Variants in LRP1 observed in about 807,000 individuals in gnomAD.
The protein encoded by LRP1 is LDL receptor related protein 1.
A neutral mutation model predicts 541.5 loss-of-function variants in LRP1; 51 were observed. The ratio of observed to expected loss-of-function variants is 0.09; its 90% CI spans 0.08 to 0.12. The LOEUF is 0.12. LRP1 is among the 10% of genes least tolerant of loss of function. LRP1 has a pLI of 1.00. For missense variants in LRP1, 3,878 were observed against 6,376.2 expected (o/e 0.61, Z 13.34); for synonymous variants, 2,219 against 2,470.8 (o/e 0.90, Z 3.02).
chr12:57,191,598 T>C, intron 44 of LRP1, 86 bp downstream of exon 44: 2 of 1,211,522 alleles, frequency 1.7e-6, no homozygotes, highest in East Asian at 5.0e-5. Context: ...ACATCGCACA[T>C]ACCACACGCA....
intron 2 of LRP1, among the ~76,000 whole-genome samples, chr12:57,141,160 T>C (rs545002901): frequency 1.6e-4 from 25 of 152,338 alleles, no homozygotes; most frequent in African/African-American, 6.0e-4. Flanking sequence ...TGGACTCTAC[T>C]GAAGGCCTAG....
intron 15 of LRP1, among the ~76,000 whole-genome samples, chr12:57,163,231 G>C (rs1035763796): frequency 3.9e-5 from 6 of 152,158 alleles, no homozygotes; most frequent in African/African-American, 1.4e-4. Context: ...AGTGAAGAAT[G>C]GACAGCTATG....
rs901756800 is a variant in LRP1, at chr12:57,154,702, G to A, written c.1227+1G>A. 1.3e-6 allele frequency: 2 copies of A among 1,555,596 alleles called. No homozygotes were observed. Among genetic ancestry groups the A allele is most frequent in the African/African-American group, 1.4e-5 (1 of 73,228 alleles). The stretch of plus-strand genomic sequence containing the variant: ...CCAGACCATCATCCAGGGCATCCTG[G>A]TGAGGGAGCTACTGTCTGAGGTTTT... On this transcript the variant is annotated splice_donor_variant, in intron 8 of 88. Coordinates refer to ENST00000243077, the MANE Select transcript of LRP1 (RefSeq NM_002332.3). LOFTEE classifies it high-confidence loss of function. The surrounding 1 kb of genome is among the most constrained non-coding windows in gnomAD (Gnocchi z 4.6).
Position 57,184,746 on chromosome 12 carries a change from C to A in LRP1, c.6187-93C>A, listed in dbSNP as rs1173438464. The A allele has an allele frequency of 5.1e-6, 7 of 1,376,988 alleles. No individual in the cohort carries two copies. The highest frequency in any genetic ancestry group is 7.0e-6 in the Non-Finnish European group (7 of 1,004,154). 85.3% of individuals were successfully genotyped at this position (1,376,988 alleles called of 1,614,324 possible). A position where few individuals can be genotyped will look rare whatever the true frequency, so the allele number is the denominator to read the frequency against. On this transcript the variant is annotated intron_variant, in intron 38 of 88. Coordinates refer to ENST00000243077, the MANE Select transcript of LRP1 (RefSeq NM_002332.3). This position sits in a 1 kb window ranked among gnomAD's most constrained non-coding sequence, Gnocchi z 7.8. ...GAGTTAGGGGAGGCTGAACTGAGGG[C>A]CTCACTCTGGCCCAGGCACTCCCTG...
chr12:57,157,587 G>A (rs1352198083), intron 10 of LRP1, among the ~76,000 whole-genome samples: 5 of 152,224 alleles, frequency 3.3e-5, no homozygotes, highest in Non-Finnish European at 7.3e-5. Flanking sequence ...CTCCAGCCTG[G>A]ATGACAGAGC....
Position 57,178,768 on chromosome 12 carries a change from G to A in LRP1, c.4607-122G>A, listed in dbSNP as rs2036100600. ...AGAGGCACTGTCTAGCAGCAGAGAA[G>A]GGTCTAGTAGTAGCGGCTGCTGGAA... On this transcript the variant is annotated intron_variant, in intron 27 of 88. Transcript: ENST00000243077. This position sits in a 1 kb window ranked among gnomAD's most constrained non-coding sequence, Gnocchi z 5.8. The A allele has an allele frequency of 1.3e-6, 2 of 1,499,370 alleles. No individual in the cohort carries two copies. Among genetic ancestry groups the A allele is most frequent in the African/African-American group, 1.4e-5 (1 of 72,212 alleles). 92.9% of individuals were successfully genotyped at this position (1,499,370 alleles called of 1,614,324 possible). A position where few individuals can be genotyped will look rare whatever the true frequency, so the allele number is the denominator to read the frequency against.
chr12:57,196,606 G>C (rs891524383), intron 55 of LRP1, among the ~76,000 whole-genome samples: 8 of 152,126 alleles, frequency 5.3e-5, no homozygotes, highest in African/African-American at 1.9e-4. Flanking sequence ...CTGTGAGCCT[G>C]GATATGATTC....
At chr12:57,142,355 G>A (rs902702787) in intron 3 of LRP1, among the ~76,000 whole-genome samples, 4 of 152,036 alleles carry the variant, frequency 2.6e-5, no homozygotes, top group Non-Finnish European at 5.9e-5. Flanking sequence ...GGGTGTGGGG[G>A]CAGTGTCCTG....
intron 58 of LRP1, 121 bp from the exon 59 acceptor site, chr12:57,198,035 C>A: frequency 1.2e-6 from 1 of 801,060 alleles, no homozygotes; most frequent in Non-Finnish European, 2.0e-6. Flanking sequence ...ATGGTTCTCC[C>A]ACCAGAGCTG....
chr12:57,177,806 A>T lies in LRP1; in HGVS notation c.4361+215A>T, dbSNP rs1592634633. 6.6e-6 allele frequency among the ~76,000 whole-genome samples: 1 copy of T among 152,176 alleles called. No individual in the cohort carries two copies. Among genetic ancestry groups the T allele is most frequent in the South Asian group, 2.1e-4 (1 of 4,816 alleles). ...TAGAGGAGGCGGAAGCAGGGCCATC[A>T]GCTGTGGTTATTCACACTGTACCAT... On this transcript the variant is annotated intron_variant, in intron 26 of 88. Coordinates refer to ENST00000243077, the MANE Select transcript of LRP1 (RefSeq NM_002332.3). This position sits in a 1 kb window ranked among gnomAD's most constrained non-coding sequence, Gnocchi z 6.8.
intron 61 of LRP1, 74 bp downstream of exon 61, chr12:57,199,474 C>A: frequency 6.7e-7 from 1 of 1,495,542 alleles, no homozygotes; most frequent in South Asian, 1.2e-5. Flanking sequence ...CTGCTCATCC[C>A]TTCTCTAGCA....
rs555158180 is a variant in LRP1 at position 57,196,083 on chromosome 12, G to A, written c.8702-4G>A. On this transcript the variant is annotated splice_polypyrimidine_tract_variant and splice_region_variant and intron_variant, in intron 54 of 88. Transcript: ENST00000243077. Reference sequence around the variant, plus strand: ...GCTGACCTGCCGCCTCCGCCCCTCCGCAGAGCACAAGTGCAATGCCTCGTC... The same window carrying A: ...GCTGACCTGCCGCCTCCGCCCCTCCACAGAGCACAAGTGCAATGCCTCGTC... 17 of 1,608,810 alleles carry A rather than the reference G, an allele frequency of 1.1e-5. No homozygotes were observed. In the East Asian group the frequency reaches 2.9e-4, roughly 27 times the overall value.
At position 57,158,471 on chromosome 12, in the gene LRP1, G is replaced by A. The variant is rs758251459; in HGVS notation, c.1631G>A (p.Gly544Glu). ...RPGIIRGMDM[G>E]AKVPDEHMIP... ...GGCATCATCCGGGGCATGGATATGG[G>A]GGCCAAGGTCCCGGATGAGCACATG... Residue 544 changes from glycine to glutamate, a missense_variant, in exon 11 of 89, where the codon GGG (glycine) becomes GAG (glutamate). This residue lies in a region of LRP1 where 496 missense variants were observed against 861.0 expected (regional missense o/e 0.58). Transcript: ENST00000243077. This position sits in a 1 kb window ranked among gnomAD's most constrained non-coding sequence, Gnocchi z 5.3. 1.2e-6 allele frequency: 2 copies of A among 1,614,034 alleles called. No homozygotes were observed. The highest frequency in any genetic ancestry group is 1.7e-6 in the Non-Finnish European group (2 of 1,180,012).
At chr12:57,208,323 G>A in intron 77 of LRP1, 107 bp downstream of exon 77, 1 of 1,227,724 alleles carries the variant, frequency 8.1e-7, no homozygotes, top group South Asian at 1.5e-5. Flanking sequence ...AGGCCAGCCT[G>A]AGGACAGAGT....
intron 6 of LRP1, chr12:57,149,328 C>T (rs989199507): frequency 2.2e-6 from 1 of 445,812 alleles, no homozygotes; most frequent in African/African-American, 2.0e-5. Context: ...TTCTGAGTTT[C>T]CTAATCATTT....
At chr12:57,191,886 CCCACACATACCACAT>C (rs2036402307) in intron 44 of LRP1, among the ~76,000 whole-genome samples, 4 of 54,758 alleles carry the variant, frequency 7.3e-5, no homozygotes, top group African/African-American at 2.2e-4. Context: ...CCACACACAC[CCCACACATACCACAT>C]ACACACACCA....
chr12:57,185,311 C>T lies in LRP1; in HGVS notation c.6463+106C>T. The T allele has an allele frequency of 4.0e-6, 6 of 1,494,136 alleles. No homozygotes were observed. The highest frequency in any genetic ancestry group is 5.5e-6 in the Non-Finnish European group (6 of 1,100,778). 92.6% of individuals were successfully genotyped at this position (1,494,136 alleles called of 1,614,324 possible). ...GAGAGGGCTGGGAGACAAGTTAGACCCATGGGGCAACTTCCGATGGCCCGA... is the reference window on the plus strand; with the variant it reads ...GAGAGGGCTGGGAGACAAGTTAGACTCATGGGGCAACTTCCGATGGCCCGA... On this transcript the variant is annotated intron_variant, in intron 40 of 88. Transcript: ENST00000243077. The surrounding 1 kb of genome is among the most constrained non-coding windows in gnomAD (Gnocchi z 4.9).
At chr12:57,133,007 G>C (rs1319105183) in intron 1 of LRP1, among the ~76,000 whole-genome samples, 1 of 152,200 alleles carries the variant, frequency 6.6e-6, no homozygotes, top group Admixed American at 6.5e-5. Context: ...GGGTTTTGGA[G>C]AGAATGTTTC....
intron 33 of LRP1, 57 bp from the exon 34 acceptor site, chr12:57,181,100 C>T: frequency 6.3e-7 from 1 of 1,585,816 alleles, no homozygotes; most frequent in Non-Finnish European, 8.6e-7. Flanking sequence ...AAGCCTGACC[C>T]TGAGGTCCCA....
Sources: allele counts gnomAD v4.1 joint callset (sites outside exome capture counted in the v4.1 genomes callset), GRCh38; gene constraint gnomAD v4.1.1; regional missense constraint gnomAD v4.1.1; non-coding constraint Gnocchi (gnomAD v3.1); transcripts MANE v1.5; gene names NCBI Gene and HGNC (gene_info 2026-07-23, HGNC 2026-07-21).